TAS2R1: variants seen among roughly 807,000 people sequenced by gnomAD.
TAS2R1 encodes the protein taste 2 receptor member 1, also known as taste receptor type 2 member 1.
For synonymous variants in TAS2R1, 141 were observed against 134.2 expected (o/e 1.05, Z -0.35); for missense variants, 370 against 353.4 (o/e 1.05, Z -0.38).
At chr5:9,870,678 G>A in the TAS2R1 span, among the ~76,000 whole-genome samples, 2 of 152,210 alleles carry the variant, frequency 1.3e-5, no homozygotes, top group Non-Finnish European at 2.9e-5. Context: ...AAATGTGATT[G>A]CAGAGCAGTA....
the TAS2R1 span, among the ~76,000 whole-genome samples, chr5:9,727,688 G>C: frequency 6.6e-6 from 1 of 152,210 alleles, no homozygotes; most frequent in South Asian, 2.1e-4. Flanking sequence ...AAGGAGTGCA[G>C]GACAGCTGGA....
At chr5:9,725,520 G>A in the TAS2R1 span, among the ~76,000 whole-genome samples, 8 of 152,182 alleles carry the variant, frequency 5.3e-5, no homozygotes, top group East Asian at 1.9e-4. Flanking sequence ...CCGGCGCTGC[G>A]CTCGATTTCT....
chr5:9,784,800 T>C, the TAS2R1 span, among the ~76,000 whole-genome samples: 2 of 152,172 alleles, frequency 1.3e-5, no homozygotes, highest in African/African-American at 4.8e-5. Context: ...CCTGTGTGTC[T>C]CTGTCTTTGC....
the TAS2R1 span, among the ~76,000 whole-genome samples, chr5:9,858,427 GC>G: frequency 6.6e-6 from 1 of 152,162 alleles, no homozygotes; most frequent in African/African-American, 2.4e-5. Flanking sequence ...GAAGTTGGGG[GC>G]AGTGATGCAG....
chr5:9,669,440 C>G (rs1049929894), intron 1 of TAS2R1, among the ~76,000 whole-genome samples: 2 of 152,090 alleles, frequency 1.3e-5, no homozygotes, highest in African/African-American at 2.4e-5. Context: ...ACTCTGTACC[C>G]CAAAACAACA....
rs554595123 is a variant in TAS2R1 at position 9,657,777 on chromosome 5, T to C, written c.-81+1644A>G. Among the ~76,000 whole-genome samples, 8 of 152,102 alleles carry C rather than the reference T, an allele frequency of 5.3e-5. No individual in the cohort carries two copies. In the South Asian group the frequency reaches 1.5e-3, roughly 28 times the overall value. On this transcript the variant is annotated intron_variant, in intron 2 of 2. Transcript: ENST00000506620. ...GGGGAGTTACTTAATGAGTGCAGGG[T>C]TTCTGTTTTGCAAAATAAAAAGAGT...
chr5:9,724,966 G>T, the TAS2R1 span, among the ~76,000 whole-genome samples: 1 of 152,238 alleles, frequency 6.6e-6, no homozygotes, highest in Non-Finnish European at 1.5e-5. Flanking sequence ...GGCATTTTGT[G>T]GGGCAGCCCA....
At chr5:9,865,238 G>C in the TAS2R1 span, among the ~76,000 whole-genome samples, 1 of 152,118 alleles carries the variant, frequency 6.6e-6, no homozygotes, top group Non-Finnish European at 1.5e-5. Flanking sequence ...GGAATGGAGA[G>C]AAGGACACAA....
intron 1 of TAS2R1, among the ~76,000 whole-genome samples, chr5:9,708,644 G>A (rs1275792217): frequency 2.0e-5 from 3 of 150,894 alleles, no homozygotes; most frequent in Non-Finnish European, 4.4e-5. Context: ...CTGGGTTTAC[G>A]CCCTCTTCCT....
At chr5:9,839,111 A>T in the TAS2R1 span, among the ~76,000 whole-genome samples, 1 of 152,248 alleles carries the variant, frequency 6.6e-6, no homozygotes, top group Non-Finnish European at 1.5e-5. Context: ...TGAGCTGCGC[A>T]GCCGCTAGGG....
chr5:9,760,643 C>G, the TAS2R1 span, among the ~76,000 whole-genome samples: 2 of 152,096 alleles, frequency 1.3e-5, no homozygotes, highest in Non-Finnish European at 2.9e-5. Context: ...ATCTAACACC[C>G]AGTCATGATG....
At chr5:9,824,375 G>C in the TAS2R1 span, among the ~76,000 whole-genome samples, 6 of 152,236 alleles carry the variant, frequency 3.9e-5, no homozygotes, top group Non-Finnish European at 5.9e-5. Flanking sequence ...TGGAACAGCA[G>C]CCAGATGGTG....
At chr5:9,847,252 ACTT>A in the TAS2R1 span, among the ~76,000 whole-genome samples, 1 of 152,210 alleles carries the variant, frequency 6.6e-6, no homozygotes, top group Non-Finnish European at 1.5e-5. Context: ...AAATGTTTGT[ACTT>A]CTTCTCTTTT....
chr5:9,768,306 G>C, the TAS2R1 span, among the ~76,000 whole-genome samples: 242 of 152,182 alleles, frequency 1.6e-3, no homozygotes, highest in African/African-American at 5.7e-3. Flanking sequence ...CATTTGCTCT[G>C]TTTCATTGTA....
At chr5:9,640,646 A>G (rs78014645) in intron 2 of TAS2R1, among the ~76,000 whole-genome samples, 84 of 152,280 alleles carry the variant, frequency 5.5e-4, no homozygotes, top group African/African-American at 1.8e-3. Flanking sequence ...TCAAGCGTCT[A>G]TCACTGCACC....
chr5:9,651,996 T>C (rs1166434926), intron 2 of TAS2R1, among the ~76,000 whole-genome samples: 1 of 152,214 alleles, frequency 6.6e-6, no homozygotes, highest in Non-Finnish European at 1.5e-5. Context: ...AAAGTCACTC[T>C]GCATGAGTGT....
At chr5:9,734,465 T>C in the TAS2R1 span, among the ~76,000 whole-genome samples, 2 of 152,190 alleles carry the variant, frequency 1.3e-5, no homozygotes, top group Non-Finnish European at 2.9e-5. Flanking sequence ...GATGTTTGTT[T>C]GAGAATCTAC....
chr5:9,677,861 C>T (rs1740905140), intron 1 of TAS2R1, among the ~76,000 whole-genome samples: 1 of 152,136 alleles, frequency 6.6e-6, no homozygotes, highest in Non-Finnish European at 1.5e-5. Flanking sequence ...CATACAAGAG[C>T]ACACATGTGA....
the TAS2R1 span, among the ~76,000 whole-genome samples, chr5:9,842,875 T>C: frequency 1.3e-5 from 2 of 152,216 alleles, no homozygotes; most frequent in African/African-American, 4.8e-5. Flanking sequence ...GATAGCTTTC[T>C]ACTCAGCTTC....
Sources: gnomAD v4.1 joint callset for allele counts (sites outside exome capture counted in the v4.1 genomes callset) on GRCh38, gnomAD v4.1.1 for gene constraint, MANE v1.5 for transcripts, NCBI Gene and HGNC (gene_info 2026-07-23, HGNC 2026-07-21) for gene names.